ELAVL1: variants seen among roughly 807,000 people sequenced by gnomAD.
ELAVL1 encodes the protein ELAV-like protein 1.
ELAVL1 carries 1 observed loss-of-function variant against 28.4 expected under a neutral mutation model. That is an observed-to-expected ratio of 0.04 (90% confidence interval 0.01 to 0.17). The LOEUF (loss-of-function observed/expected upper bound fraction) is 0.17. Ranked by LOEUF, ELAVL1 falls within the 10% of genes least tolerant of loss-of-function variation. ELAVL1 has a pLI of 1.00. For missense variants in ELAVL1, 157 were observed against 447.2 expected (o/e 0.35, Z 5.85); for synonymous variants, 174 against 183.5 (o/e 0.95, Z 0.42).
chr19:7,985,431 C>T (rs1758371974), intron 2 of ELAVL1, among the ~76,000 whole-genome samples: 1 of 152,238 alleles, frequency 6.6e-6, no homozygotes, highest in Non-Finnish European at 1.5e-5. Context: ...CCTACCCCAT[C>T]CCGGGACCCA....
At chr19:7,980,083 A>G (rs1985412651) in intron 3 of ELAVL1, among the ~76,000 whole-genome samples, 1 of 152,214 alleles carries the variant, frequency 6.6e-6, no homozygotes, top group South Asian at 2.1e-4. Flanking sequence ...TCTCTGGGGC[A>G]GGGGAATCTA....
chr19:7,995,455 T>C (rs896903038), intron 1 of ELAVL1, among the ~76,000 whole-genome samples: 1 of 152,178 alleles, frequency 6.6e-6, no homozygotes, highest in Non-Finnish European at 1.5e-5. Context: ...CTGGGAAAAG[T>C]GGACCTCCTG....
At position 7,961,787 on chromosome 19, in the gene ELAVL1, T is replaced by C. The variant is rs1029677147; in HGVS notation, c.*1696A>G. 6.6e-6 allele frequency: 1 copy of C among 152,186 alleles called. No individual in the cohort carries two copies. Among genetic ancestry groups the C allele is most frequent in the Non-Finnish European group, 1.5e-5 (1 of 68,038 alleles). 9.4% of individuals were successfully genotyped at this position (152,186 alleles called of 1,614,324 possible). A position where few individuals can be genotyped will look rare whatever the true frequency, so the allele number is the denominator to read the frequency against. Reference sequence around the variant, plus strand: ...ATTGTCCAGGGGCCTCTCGAGACGCTGACCTGCTCTGGGGACGGTGGTGCC... The same window carrying C: ...ATTGTCCAGGGGCCTCTCGAGACGCCGACCTGCTCTGGGGACGGTGGTGCC... On this transcript the variant is annotated 3_prime_UTR_variant, in exon 6 of 6. Transcript: ENST00000407627.
At position 8,001,939 on chromosome 19, in the gene ELAVL1, G is replaced by C. The variant is rs957115895; in HGVS notation, c.-17+3556C>G. 8 of 787,646 alleles carry C rather than the reference G, an allele frequency of 1.0e-5. No individual in the cohort carries two copies. The South Asian group carries it at 1.0e-4, about 10-fold the overall frequency. The allele number at this position is 787,646 out of a possible 1,614,324, so 48.8% of individuals were successfully genotyped here. A position where few individuals can be genotyped will look rare whatever the true frequency, so the allele number is the denominator to read the frequency against. ...GACCCTCAAGCGGTTCAGCCATTAC[G>C]GGGCCACCTCAGTACTGCAACAGCC... On this transcript the variant is annotated intron_variant, in intron 1 of 5. Coordinates refer to ENST00000407627, the MANE Select transcript of ELAVL1 (RefSeq NM_001419.3).
chr19:7,981,116 C>T lies in ELAVL1; in HGVS notation c.243G>A (p.Leu81=). ...TTTTTGACTGGAGCCTCAAGCCGTTCAGCGTGTTGATCGCTCTCTCTGCAT... is the reference window on the plus strand; with the variant it reads ...TTTTTGACTGGAGCCTCAAGCCGTTTAGCGTGTTGATCGCTCTCTCTGCAT... ...AKDAERAINT[L]NGLRLQSKTI... Residue 81 remains leucine (L), a synonymous_variant, in exon 3 of 6, where the codon CTG becomes CTA. Transcript: ENST00000407627. The surrounding 1 kb of genome is among the most constrained non-coding windows in gnomAD (Gnocchi z 4.2). 1.2e-6 allele frequency: 2 copies of T among 1,614,196 alleles called. No individual in the cohort carries two copies. Among genetic ancestry groups the T allele is most frequent in the Non-Finnish European group, 1.7e-6 (2 of 1,180,030 alleles).
intron 1 of ELAVL1, among the ~76,000 whole-genome samples, chr19:8,002,984 C>T (rs538875985): frequency 1.3e-5 from 2 of 152,238 alleles, no homozygotes; most frequent in Non-Finnish European, 2.9e-5. Flanking sequence ...ATTTACAGAA[C>T]AGAACTCCTG....
intron 1 of ELAVL1, among the ~76,000 whole-genome samples, chr19:7,997,134 G>A (rs1434838818): frequency 1.3e-5 from 2 of 152,190 alleles, no homozygotes; most frequent in African/African-American, 4.8e-5. Flanking sequence ...TTGGAAAACA[G>A]ATTGGCAGTT....
chr19:7,960,114 T>G lies in ELAVL1; in HGVS notation c.*3369A>C, dbSNP rs909124969. ...TGCCTGGTGGACAAATGGCCTTCAT[T>G]TGGAAGCAAACCGGGTCAAGGAATT... is the stretch of plus-strand genomic sequence containing the variant. On this transcript the variant is annotated 3_prime_UTR_variant, in exon 6 of 6. Coordinates refer to ENST00000407627, the MANE Select transcript of ELAVL1 (RefSeq NM_001419.3). The G allele has an allele frequency of 6.6e-6, 1 of 152,194 alleles. No individual in the cohort carries two copies. The highest frequency in any genetic ancestry group is 2.4e-5 in the African/African-American group (1 of 41,444). The allele number at this position is 152,194 out of a possible 1,614,324, so 9.4% of individuals were successfully genotyped here. A position where few individuals can be genotyped will look rare whatever the true frequency, so the allele number is the denominator to read the frequency against.
chr19:7,988,744 G>A (rs1985671029), intron 2 of ELAVL1, among the ~76,000 whole-genome samples: 3 of 152,266 alleles, frequency 2.0e-5, no homozygotes, highest in Admixed American at 2.0e-4. Flanking sequence ...ACACCCTGCA[G>A]TGTCCAGTGC....
At chr19:7,975,110 A>C (rs1985243937) in intron 3 of ELAVL1, among the ~76,000 whole-genome samples, 1 of 152,144 alleles carries the variant, frequency 6.6e-6, no homozygotes, top group Non-Finnish European at 1.5e-5. Context: ...TGTGGACAGG[A>C]GCTCTGGGGA....
In ELAVL1 at chr19:7,991,796, T is replaced by A; in HGVS notation, c.20A>T (p.Asp7Val). 1 of 1,612,624 alleles carries A rather than the reference T, an allele frequency of 6.2e-7. No individual in the cohort carries two copies. MSNGYE[D>V]HMAEDCRGDI... ...ACCCCTGCAGTCTTCGGCCATGTGG[T>A]CTTCATAACCATTAGACATTGTATT... is the stretch of plus-strand genomic sequence containing the variant. Residue 7 changes from aspartate to valine, a missense_variant, in exon 2 of 6, where the codon GAC becomes GTC. Coordinates refer to ENST00000407627, the MANE Select transcript of ELAVL1 (RefSeq NM_001419.3).
intron 1 of ELAVL1, among the ~76,000 whole-genome samples, chr19:8,000,299 T>C (rs940913459): frequency 2.6e-5 from 4 of 152,218 alleles, no homozygotes; most frequent in African/African-American, 9.6e-5. Flanking sequence ...ATCCTGGTTG[T>C]CTATGTGACA....
chr19:7,963,475 T>C lies in ELAVL1; in HGVS notation c.*8A>G. On this transcript the variant is annotated 3_prime_UTR_variant, in exon 6 of 6. Coordinates refer to ENST00000407627, the MANE Select transcript of ELAVL1 (RefSeq NM_001419.3). This position sits in a 1 kb window ranked among gnomAD's most constrained non-coding sequence, Gnocchi z 4.5. ...TATCTATTCCGTACAAAAAAAAGCA[T>C]GAGCGAGTTATTTGTGGGACTTGTT... is the stretch of plus-strand genomic sequence containing the variant. 1.3e-6 allele frequency: 2 copies of C among 1,599,246 alleles called. No homozygotes were observed. The highest frequency in any genetic ancestry group is 8.6e-7 in the Non-Finnish European group (1 of 1,169,498).
chr19:7,980,926 C>T (rs932621885), intron 3 of ELAVL1, among the ~76,000 whole-genome samples, 157 bp downstream of exon 3: 1 of 152,028 alleles, frequency 6.6e-6, no homozygotes, highest in East Asian at 1.9e-4. Flanking sequence ...TCATGTAAGG[C>T]CTGGGTCAGA....
intron 1 of ELAVL1, among the ~76,000 whole-genome samples, chr19:7,997,293 C>G (rs1248411599): frequency 1.3e-5 from 2 of 152,114 alleles, no homozygotes; most frequent in Non-Finnish European, 2.9e-5. Flanking sequence ...CTACAACAAC[C>G]CAAATATTCT....
At chr19:7,991,587 A>G in intron 2 of ELAVL1, 57 bp downstream of exon 2, 9 of 1,536,018 alleles carry the variant, frequency 5.9e-6, no homozygotes, top group Non-Finnish European at 7.1e-6. Context: ...CAAAGGAGAC[A>G]GTGCCCAAAG....
At chr19:7,989,127 C>T (rs2145220585) in intron 2 of ELAVL1, among the ~76,000 whole-genome samples, 1 of 152,280 alleles carries the variant, frequency 6.6e-6, no homozygotes, top group South Asian at 2.1e-4. Context: ...GAGAGGCTGT[C>T]TTGGGAGGCT....
rs986000514 is a variant in ELAVL1 at position 7,967,545 on chromosome 19, C to T, written c.656+20G>A. The T allele has an allele frequency of 1.9e-5, 31 of 1,610,490 alleles. No homozygotes were observed. The highest frequency in any genetic ancestry group is 5.3e-5 in the African/African-American group (4 of 74,860). On this transcript the variant is annotated intron_variant, in intron 5 of 5. Coordinates refer to ENST00000407627, the MANE Select transcript of ELAVL1 (RefSeq NM_001419.3). ...CGGGGCTAAGTATGGCTTTCAGGAG[C>T]GCGCACCCTCCCGACCCACCTGAAT...
At chr19:8,005,469 C>G (rs2081084376) in intron 1 of ELAVL1, 26 bp downstream of exon 1, 1 of 147,182 alleles carries the variant, frequency 6.8e-6, no homozygotes, top group Admixed American at 6.8e-5. Context: ...CCGTCGGGCG[C>G]CGCCGAAGGC....
Sources: gnomAD v4.1 joint callset for allele counts (sites outside exome capture counted in the v4.1 genomes callset) on GRCh38, gnomAD v4.1.1 for gene constraint, Gnocchi (gnomAD v3.1) non-coding constraint, MANE v1.5 for transcripts, NCBI Gene and HGNC (gene_info 2026-07-23, HGNC 2026-07-21) for gene names.